Variants in ERBB4 observed in about 807,000 individuals in gnomAD.
ERBB4 encodes the protein erb-b2 receptor tyrosine kinase 4.
ERBB4 carries 42 observed loss-of-function variants against 158.0 expected under a neutral mutation model. That is an observed-to-expected ratio of 0.27 (90% CI 0.21 to 0.34). ERBB4 has a LOEUF of 0.34. Among genes scored for constraint, ERBB4 ranks in the 10% least tolerant of loss-of-function variants. The probability of loss-of-function intolerance (pLI) is 1.00; values close to 1 mark genes in which losing one functional copy is unlikely to be tolerated. For missense variants in ERBB4, 1,333 were observed against 1,624.1 expected (o/e 0.82, Z 3.08); for synonymous variants, 583 against 558.7 (o/e 1.04, Z -0.61).
intron 2 of ERBB4, among the ~76,000 whole-genome samples, chr2:211,981,970 C>T (rs1264805352): frequency 6.6e-6 from 1 of 151,896 alleles, no homozygotes; most frequent in African/African-American, 2.4e-5. Flanking sequence ...AAGTTTTATA[C>T]CATATTTTGG....
intron 20 of ERBB4, among the ~76,000 whole-genome samples, chr2:211,515,993 C>A (rs2066020580): frequency 1.4e-5 from 2 of 144,966 alleles, no homozygotes; most frequent in Non-Finnish European, 3.0e-5. Context: ...CGACTCACTG[C>A]AAGCTCTGCC....
chr2:211,819,160 C>A (rs2076939274), intron 3 of ERBB4, among the ~76,000 whole-genome samples: 1 of 152,072 alleles, frequency 6.6e-6, no homozygotes, highest in African/African-American at 2.4e-5. Context: ...TAGATAAAAT[C>A]ATTTTTTGCA....
intron 1 of ERBB4, among the ~76,000 whole-genome samples, chr2:212,212,612 C>A (rs1002703068): frequency 1.3e-5 from 2 of 151,612 alleles, no homozygotes; most frequent in South Asian, 2.1e-4. Context: ...ATAGCCAAGA[C>A]AATCCTATGC....
chr2:211,475,463 T>G lies in ERBB4; in HGVS notation c.2488-44363A>C, dbSNP rs535538229. Among the ~76,000 whole-genome samples, 3 of 152,242 alleles carry G rather than the reference T, an allele frequency of 2.0e-5. No individual in the cohort carries two copies. The East Asian group carries it at 5.8e-4, about 29-fold the overall frequency. Reference sequence around the variant, plus strand: ...TACACCATAAGAAATACCTGATCAATGTATTTCCTAGTACATGTAGGAAAT... The same window carrying G: ...TACACCATAAGAAATACCTGATCAAGGTATTTCCTAGTACATGTAGGAAAT... On this transcript the variant is annotated intron_variant, in intron 20 of 27. Coordinates refer to ENST00000342788, the MANE Select transcript of ERBB4 (RefSeq NM_005235.3).
At chr2:211,485,949 T>C (rs1016110780) in intron 20 of ERBB4, among the ~76,000 whole-genome samples, 3 of 152,164 alleles carry the variant, frequency 2.0e-5, no homozygotes, top group African/African-American at 7.2e-5. Flanking sequence ...TAATTTTATT[T>C]TTCTAAGAGA....
intron 1 of ERBB4, among the ~76,000 whole-genome samples, chr2:212,248,492 G>A (rs922866890): frequency 1.3e-5 from 2 of 152,060 alleles, no homozygotes; most frequent in African/African-American, 2.4e-5. Context: ...CAATATAATG[G>A]CCATGCTGTA....
rs748586400 is a variant in ERBB4, at chr2:212,286,767, A to ATTTTTTTTTTTTTTTTTTT, written c.83-161883_83-161865dup. ...TAGGCGGGTGGCACCATGAGGGTTA[A>ATTTTTTTTTTTTTTTTTTT]TTTTTTTTTTTTTTTTTTTTTTTGT... On this transcript the variant is annotated intron_variant, in intron 1 of 27. Transcript: ENST00000342788. Among the ~76,000 whole-genome samples, 138 of 39,554 alleles carry ATTTTTTTTTTTTTTTTTTT rather than the reference A, an allele frequency of 3.5e-3. 39 individuals carry two copies. The highest frequency in any genetic ancestry group is 5.4e-3 in the African/African-American group (49 of 9,002). The allele number at this position is 39,554 out of a possible 152,430, so 25.9% of individuals were successfully genotyped here.
rs1489414871 is a variant in ERBB4, at chr2:211,378,167, G to C, written c.*5448C>G. ...GGGAAGGATTCTATTTTCCTCTAAA[G>C]GTCAGAGAGAAATACATTTTTCTTT... is the stretch of plus-strand genomic sequence containing the variant. On this transcript the variant is annotated 3_prime_UTR_variant, in exon 28 of 28. Coordinates refer to ENST00000342788, the MANE Select transcript of ERBB4 (RefSeq NM_005235.3). 4.3e-6 allele frequency: 1 copy of C among 233,096 alleles called. No homozygotes were observed. The highest frequency in any genetic ancestry group is 8.5e-6 in the Non-Finnish European group (1 of 117,668). The allele number at this position is 233,096 out of a possible 1,614,324, so 14.4% of individuals were successfully genotyped here. A position where few individuals can be genotyped will look rare whatever the true frequency, so the allele number is the denominator to read the frequency against.
rs1234072367 is a variant in ERBB4, at chr2:212,258,139, T to C, written c.83-133236A>G. ...TAAAAATTAAATATACAGTTATAAT[T>C]CCCTATTTTTAGTAAAAATTAGATT... On this transcript the variant is annotated intron_variant, in intron 1 of 27. Transcript: ENST00000342788. Among the ~76,000 whole-genome samples the C allele has an allele frequency of 5.3e-5, 8 of 152,130 alleles. No individual in the cohort carries two copies. The East Asian group carries it at 1.5e-3, about 29-fold the overall frequency.
intron 2 of ERBB4, among the ~76,000 whole-genome samples, chr2:211,986,102 G>A (rs924854936): frequency 5.3e-5 from 8 of 152,180 alleles, no homozygotes; most frequent in African/African-American, 1.9e-4. Flanking sequence ...CAGAGGCTGA[G>A]TGGTGGGTCT....
chr2:212,038,492 G>A (rs934553578), intron 2 of ERBB4, among the ~76,000 whole-genome samples: 11 of 152,044 alleles, frequency 7.2e-5, no homozygotes, highest in African/African-American at 1.4e-4. Flanking sequence ...CAAAGAGGAC[G>A]GCTGTTCAAA....
intron 2 of ERBB4, among the ~76,000 whole-genome samples, chr2:212,056,690 T>G (rs1226399897): frequency 6.6e-6 from 1 of 152,034 alleles, no homozygotes; most frequent in Non-Finnish European, 1.5e-5. Context: ...GCTTCCTAAG[T>G]GAAGGAGAAA....
rs2072002511 is a variant in ERBB4 at position 211,675,018 on chromosome 2, T to C, written c.1623-1761A>G. Reference sequence around the variant, plus strand: ...CATAGATTTCCATTTGACAGGCTTCTGATTTTTCCTGCTCTCAGAAAAGAT... The same window carrying C: ...CATAGATTTCCATTTGACAGGCTTCCGATTTTTCCTGCTCTCAGAAAAGAT... On this transcript the variant is annotated intron_variant, in intron 13 of 27. Transcript: ENST00000342788. 2.0e-5 allele frequency among the ~76,000 whole-genome samples: 3 copies of C among 152,294 alleles called. No individual in the cohort carries two copies. The South Asian group carries it at 6.2e-4, about 32-fold the overall frequency.
intron 1 of ERBB4, among the ~76,000 whole-genome samples, chr2:212,218,934 T>C (rs2083194041): frequency 6.6e-6 from 1 of 151,492 alleles, no homozygotes; most frequent in African/African-American, 2.4e-5. Context: ...ACTAGAACTT[T>C]TATCCTTGAA....
intron 4 of ERBB4, among the ~76,000 whole-genome samples, chr2:211,760,251 T>G (rs923823518): frequency 6.6e-6 from 1 of 152,180 alleles, no homozygotes; most frequent in African/African-American, 2.4e-5. Context: ...ATCAGAACAT[T>G]TGATAAAAGT....
At chr2:212,107,176 C>T (rs7582302) in intron 2 of ERBB4, among the ~76,000 whole-genome samples, 29,525 of 152,164 alleles carry the variant, frequency 0.19, 6,184 homozygotes, top group African/African-American at 0.53. Flanking sequence ...GCCACAGACA[C>T]TCAGTGCCAG....
At chr2:212,140,351 C>T (rs925844393) in intron 1 of ERBB4, among the ~76,000 whole-genome samples, 25 of 147,016 alleles carry the variant, frequency 1.7e-4, no homozygotes, top group African/African-American at 6.2e-4. Context: ...GGGTATGAGA[C>T]ATATAATATA....
intron 20 of ERBB4, among the ~76,000 whole-genome samples, chr2:211,509,406 A>G (rs2065834406): frequency 6.6e-6 from 1 of 152,160 alleles, no homozygotes; most frequent in South Asian, 2.1e-4. Flanking sequence ...CAGAAAAATG[A>G]AACTGGACCC....
intron 19 of ERBB4, among the ~76,000 whole-genome samples, chr2:211,618,783 T>G (rs1021664523): frequency 2.0e-5 from 3 of 152,186 alleles, no homozygotes; most frequent in African/African-American, 7.2e-5. Flanking sequence ...TTAAGAAATA[T>G]ACACATGAGC....
Sources: allele counts gnomAD v4.1 joint callset (sites outside exome capture counted in the v4.1 genomes callset), GRCh38; gene constraint gnomAD v4.1.1; transcripts MANE v1.5; gene names NCBI Gene and HGNC (gene_info 2026-07-23, HGNC 2026-07-21).